Variants in ESRP1 observed in about 807,000 individuals in gnomAD.
ESRP1 encodes epithelial splicing regulatory protein 1, also known as RNA-binding motif protein 35A.
A neutral mutation model predicts 81.7 loss-of-function variants in ESRP1; 33 were observed. The ratio of observed to expected loss-of-function variants is 0.40; its 90% CI spans 0.31 to 0.54. The LOEUF (loss-of-function observed/expected upper bound fraction) is 0.54, where lower values mean the gene tolerates loss of function less well. Among genes scored for constraint, ESRP1 ranks in the 20% least tolerant of loss-of-function variants. The pLI is 0.41. For missense variants in ESRP1, 672 were observed against 833.1 expected (o/e 0.81, Z 2.38); for synonymous variants, 320 against 303.3 (o/e 1.06, Z -0.57).
intron 11 of ESRP1, 45 bp from the exon 12 acceptor site, chr8:94,674,263 A>G: frequency 6.3e-7 from 1 of 1,578,436 alleles, no homozygotes; most frequent in African/African-American, 1.4e-5. Context: ...TCCTTGTTGA[A>G]GGAGACAGTC....
At chr8:94,682,187 C>T (rs1220196502) in intron 13 of ESRP1, among the ~76,000 whole-genome samples, 2 of 152,138 alleles carry the variant, frequency 1.3e-5, no homozygotes, top group Non-Finnish European at 2.9e-5. Context: ...TCTTTCATTA[C>T]ATCAAGCCCT....
intron 12 of ESRP1, 85 bp downstream of exon 12, chr8:94,674,591 G>C (rs954452515): frequency 5.4e-6 from 7 of 1,289,816 alleles, no homozygotes; most frequent in Non-Finnish European, 7.4e-6. Flanking sequence ...TGTGCCCCTG[G>C]TTCTTTCTGA....
intron 12 of ESRP1, among the ~76,000 whole-genome samples, chr8:94,676,890 C>A (rs541575648): frequency 6.6e-6 from 1 of 151,884 alleles, no homozygotes; most frequent in Non-Finnish European, 1.5e-5. Flanking sequence ...CGGTGGCTTA[C>A]GCCTGTAATC....
In ESRP1 at chr8:94,696,962, G is replaced by A. The variant is rs1176193935; in HGVS notation, c.*35+1G>A. 1 of 1,549,854 alleles carries A rather than the reference G, an allele frequency of 6.5e-7. No homozygotes were observed. Among genetic ancestry groups the A allele is most frequent in the East Asian group, 2.4e-5 (1 of 42,080 alleles). Reference sequence around the variant, plus strand: ...AGTTAGAACATCCTCAGAAAAGAAGGTAAGGCTTTATGATGTGCAAGTTAA... The same window carrying A: ...AGTTAGAACATCCTCAGAAAAGAAGATAAGGCTTTATGATGTGCAAGTTAA... On this transcript the variant is annotated splice_donor_variant, in intron 15 of 15. Coordinates refer to ENST00000433389, the MANE Select transcript of ESRP1 (RefSeq NM_017697.4). LOFTEE classifies it low-confidence loss of function (3UTR_SPLICE).
chr8:94,650,564 G>T (rs1403750429), intron 4 of ESRP1, among the ~76,000 whole-genome samples: 1 of 151,678 alleles, frequency 6.6e-6, no homozygotes, highest in Non-Finnish European at 1.5e-5. Flanking sequence ...TGTATGGTTT[G>T]TTTATCCATA....
chr8:94,665,435 A>T (rs1382112532), intron 9 of ESRP1, among the ~76,000 whole-genome samples: 2 of 152,214 alleles, frequency 1.3e-5, no homozygotes, highest in South Asian at 4.1e-4. Context: ...TAAAAATAGT[A>T]CTATACAAAG....
chr8:94,695,055 G>A (rs7387164), intron 14 of ESRP1, among the ~76,000 whole-genome samples: 47,193 of 151,982 alleles, frequency 0.31, 8,762 homozygotes, highest in East Asian at 0.56. Flanking sequence ...ATTTTCTACC[G>A]TCTTGAAGAG....
At chr8:94,657,161 G>A (rs1262431802) in intron 4 of ESRP1, among the ~76,000 whole-genome samples, 3 of 152,154 alleles carry the variant, frequency 2.0e-5, no homozygotes, top group African/African-American at 7.2e-5. Context: ...TGTTCCCACT[G>A]CCTCTGCCTG....
chr8:94,700,187 T>C (rs1051836863), intron 15 of ESRP1, among the ~76,000 whole-genome samples: 3 of 152,214 alleles, frequency 2.0e-5, no homozygotes, highest in African/African-American at 7.2e-5. Flanking sequence ...GCAAAGTGCT[T>C]CCAGTGGACT....
At chr8:94,697,596 A>G (rs766180350) in intron 15 of ESRP1, among the ~76,000 whole-genome samples, 4 of 152,174 alleles carry the variant, frequency 2.6e-5, no homozygotes, top group Non-Finnish European at 5.9e-5. Context: ...TTATTTATCC[A>G]CTGATGGACA....
intron 15 of ESRP1, among the ~76,000 whole-genome samples, chr8:94,698,373 A>G (rs1809688210): frequency 6.6e-6 from 1 of 152,118 alleles, no homozygotes; most frequent in South Asian, 2.1e-4. Context: ...TAACTGGCTT[A>G]TTTATTTCAC....
At chr8:94,641,498 T>C in intron 1 of ESRP1, 48 bp downstream of exon 1, 1 of 1,612,336 alleles carries the variant, frequency 6.2e-7, no homozygotes, top group African/African-American at 1.3e-5. Flanking sequence ...GGCAAGAAGT[T>C]TGTGGTAGAG....
intron 12 of ESRP1, 38 bp from the exon 13 acceptor site, chr8:94,678,165 A>G (rs1449208803): frequency 1.2e-6 from 2 of 1,607,504 alleles, no homozygotes; most frequent in Non-Finnish European, 8.5e-7. Context: ...GTCAGCTGTT[A>G]CAAATATGTC....
intron 9 of ESRP1, 37 bp from the exon 10 acceptor site, chr8:94,667,912 A>G (rs1275164435): frequency 1.3e-6 from 2 of 1,510,364 alleles, no homozygotes; most frequent in East Asian, 2.3e-5. Context: ...TGTCTTAACT[A>G]TTTCTCTCCC....
At chr8:94,648,700 G>A (rs1817962282) in intron 4 of ESRP1, among the ~76,000 whole-genome samples, 1 of 152,216 alleles carries the variant, frequency 6.6e-6, no homozygotes, top group Non-Finnish European at 1.5e-5. Context: ...AACCAGTGGG[G>A]GAGGGAAAGG....
At chr8:94,641,647 G>A in intron 1 of ESRP1, 197 bp downstream of exon 1, 1 of 802,258 alleles carries the variant, frequency 1.2e-6, no homozygotes, top group South Asian at 1.9e-5. Context: ...TCAGTCCTCC[G>A]CAACTTAGCT....
chr8:94,662,435 A>C, intron 5 of ESRP1, 65 bp downstream of exon 5: 1 of 1,550,264 alleles, frequency 6.5e-7, no homozygotes, highest in Non-Finnish European at 8.8e-7. Flanking sequence ...ACCTATACTC[A>C]AATTTCCTCC....
intron 11 of ESRP1, 122 bp from the exon 12 acceptor site, chr8:94,674,186 G>A (rs923022388): frequency 1.3e-5 from 14 of 1,091,048 alleles, no homozygotes; most frequent in Admixed American, 5.3e-5. Flanking sequence ...ACCATCACCC[G>A]GATTTTGTGG....
intron 4 of ESRP1, among the ~76,000 whole-genome samples, chr8:94,654,861 G>A (rs1586185109): frequency 6.6e-6 from 1 of 151,018 alleles, no homozygotes; most frequent in Admixed American, 6.6e-5. Context: ...AGCCCAGGAT[G>A]TCAAAGCTAT....
Sources: allele counts gnomAD v4.1 joint callset (sites outside exome capture counted in the v4.1 genomes callset), GRCh38; gene constraint gnomAD v4.1.1; transcripts MANE v1.5; gene names NCBI Gene and HGNC (gene_info 2026-07-23, HGNC 2026-07-21).